The following SENP1 variants were observed in gnomAD, a reference collection of about 807,000 sequenced individuals.
SENP1 encodes the protein sentrin-specific protease 1.
In SENP1, 21 loss-of-function variants were observed where a neutral mutation model predicts 93.0. The observed-to-expected ratio is 0.23, with a 90% CI of 0.16 to 0.33. The LOEUF (loss-of-function observed/expected upper bound fraction) is 0.33. SENP1 is among the 10% of genes least tolerant of loss of function. The pLI, the probability that SENP1 is intolerant of heterozygous loss-of-function variation, is 1.00. For missense variants in SENP1, 591 were observed against 758.7 expected (o/e 0.78, Z 2.60); for synonymous variants, 256 against 259.6 (o/e 0.99, Z 0.13).
intron 6 of SENP1, chr12:48,081,424 T>A (rs1324427199): frequency 1.3e-5 from 2 of 151,958 alleles, no homozygotes; most frequent in South Asian, 2.1e-4. Context: ...TCAAAAAAAA[T>A]TTTTTTGTTA....
chr12:48,045,142 G>C lies in SENP1; in HGVS notation c.*180C>G, dbSNP rs138452879. Reference sequence around the variant, plus strand: ...GCACCAAAGTTTCTTTGCAAAAATAGTATCTGAGATACAAAAGGAAAGGCA... The same window carrying C: ...GCACCAAAGTTTCTTTGCAAAAATACTATCTGAGATACAAAAGGAAAGGCA... On this transcript the variant is annotated 3_prime_UTR_variant, in exon 18 of 18. Coordinates refer to ENST00000549518, the MANE Select transcript of SENP1 (RefSeq NM_001267594.2). 1.7e-3 allele frequency: 1,020 copies of C among 583,116 alleles called. 13 individuals carry two copies. In the East Asian group the frequency reaches 0.026, roughly 15 times the overall value. The allele number at this position is 583,116 out of a possible 1,614,324, so 36.1% of individuals were successfully genotyped here.
At chr12:48,071,385 G>A (rs932990541) in intron 9 of SENP1, among the ~76,000 whole-genome samples, 1 of 152,150 alleles carries the variant, frequency 6.6e-6, no homozygotes, top group Non-Finnish European at 1.5e-5. Flanking sequence ...GGAGGCCGAG[G>A]CAGGTGGATC....
chr12:48,071,224 A>G (rs866091222), intron 9 of SENP1, among the ~76,000 whole-genome samples: 1 of 152,238 alleles, frequency 6.6e-6, no homozygotes, highest in South Asian at 2.1e-4. Context: ...AAAATAATTC[A>G]AGTAATACGT....
intron 13 of SENP1, among the ~76,000 whole-genome samples, chr12:48,057,238 A>T (rs1942607292): frequency 6.9e-6 from 1 of 143,974 alleles, no homozygotes; most frequent in African/African-American, 2.5e-5. Context: ...CATTATATAT[A>T]TATTTTTTTG....
intron 13 of SENP1, among the ~76,000 whole-genome samples, chr12:48,057,098 AT>A (rs1942576580): frequency 1.1e-5 from 1 of 89,160 alleles, no homozygotes. Flanking sequence ...ACATATATAA[AT>A]ATATTATTTA....
At chr12:48,105,043 A>G (rs1185342965) in intron 1 of SENP1, 1 of 184,514 alleles carries the variant, frequency 5.4e-6, no homozygotes, top group Non-Finnish European at 1.2e-5. Flanking sequence ...AGTCCTTAAC[A>G]CAAATTATTT....
chr12:48,053,622 A>G (rs1487255327), intron 13 of SENP1, among the ~76,000 whole-genome samples: 2 of 152,206 alleles, frequency 1.3e-5, no homozygotes, highest in East Asian at 3.8e-4. Flanking sequence ...TCAAGTAAGA[A>G]TATGCTCTCT....
At chr12:48,072,020 G>A (rs1333584834) in intron 8 of SENP1, among the ~76,000 whole-genome samples, 2 of 152,182 alleles carry the variant, frequency 1.3e-5, no homozygotes, top group Admixed American at 1.3e-4. Flanking sequence ...TGTTTCAGGA[G>A]AACAAGAACA....
intron 12 of SENP1, 60 bp downstream of exon 12, chr12:48,065,005 C>T (rs906083683): frequency 9.5e-5 from 119 of 1,249,246 alleles, no homozygotes; most frequent in Non-Finnish European, 1.3e-4. Context: ...GAAACTCATC[C>T]GAGGGATTCT....
Position 48,048,947 on chromosome 12 carries a change from T to A in SENP1, c.1593A>T (p.Gly531=). The A allele has an allele frequency of 1.2e-6, 2 of 1,612,478 alleles. No individual in the cohort carries two copies. The change falls in exon 14 of 18, where the codon GGA becomes GGT. Residue 531 remains glycine, a synonymous_variant. Transcript: ENST00000549518. ...TACTCACAGCTAGACACCAGTGTAC[T>A]CCCAGGTGAATGGGCACCAAAAGAA... ...VDILLVPIHL[G]VHWCLAVVDF... is the part of the protein sequence containing the mutation.
chr12:48,071,674 T>G lies in SENP1; in HGVS notation c.988A>C (p.Thr330Pro). Reference sequence around the variant, plus strand: ...GCTTTTTCCAAAGTTTACCTGGGAGTTGGAGTCTGGGAATCTTTCACTTTC... The same window carrying G: ...GCTTTTTCCAAAGTTTACCTGGGAGGTGGAGTCTGGGAATCTTTCACTTTC... ...LLKVKDSQTP[T>P]PSSTFFQAEL... Residue 330 changes from threonine to proline, a missense_variant, in exon 9 of 18, where the codon ACT becomes CCT. Around this residue, in one of 4 missense-constraint regions of SENP1, gnomAD observed 238 missense variants for 259.1 expected, o/e 0.92. Transcript: ENST00000549518. The G allele has an allele frequency of 6.2e-7, 1 of 1,604,154 alleles. No homozygotes were observed. The highest frequency in any genetic ancestry group is 2.2e-5 in the East Asian group (1 of 44,800).
intron 1 of SENP1, among the ~76,000 whole-genome samples, chr12:48,102,616 T>C (rs1946027992): frequency 6.6e-6 from 1 of 151,866 alleles, no homozygotes; most frequent in Non-Finnish European, 1.5e-5. Flanking sequence ...TAAAAAATAT[T>C]AAGCACTTCA....
chr12:48,049,009 G>T lies in SENP1; in HGVS notation c.1531C>A (p.Arg511Ser). 1 of 1,613,724 alleles carries T rather than the reference G, an allele frequency of 6.2e-7. No individual in the cohort carries two copies. Among genetic ancestry groups the T allele is most frequent in the Non-Finnish European group, 8.5e-7 (1 of 1,179,748 alleles). ...LKTAGYQAVKRWTKKVDVFSV... is the reference protein window; with the variant it reads ...LKTAGYQAVKSWTKKVDVFSV... ...AATACATCTACTTTCTTTGTCCAAC[G>T]TTTCACTGCCTGATAACCAGCCGTT... Residue 511 changes from arginine to serine, a missense_variant, in exon 14 of 18, where the codon CGT (arginine) becomes AGT (serine). Physicochemically the swap from Arg to Ser is moderately radical, Grantham distance 110. Around this residue, in one of 4 missense-constraint regions of SENP1, gnomAD observed 132 missense variants for 230.1 expected, o/e 0.57. Transcript: ENST00000549518.
intron 9 of SENP1, among the ~76,000 whole-genome samples, chr12:48,069,495 C>T (rs978470833): frequency 2.0e-5 from 3 of 152,120 alleles, no homozygotes; most frequent in Non-Finnish European, 4.4e-5. Flanking sequence ...GGAAATCCTC[C>T]GTAAAGGAAA....
chr12:48,079,445 G>A (rs895985786), intron 6 of SENP1, among the ~76,000 whole-genome samples: 1 of 152,150 alleles, frequency 6.6e-6, no homozygotes, highest in Non-Finnish European at 1.5e-5. Flanking sequence ...GTTGCAGTGA[G>A]CCGAGATCGC....
At chr12:48,073,194 A>G (rs1425122113) in intron 8 of SENP1, among the ~76,000 whole-genome samples, 3 of 152,176 alleles carry the variant, frequency 2.0e-5, no homozygotes, top group Non-Finnish European at 2.9e-5. Flanking sequence ...AAACAGTGCA[A>G]TGTAGTATAT....
At chr12:48,086,166 GA>G (rs1246532075) in intron 5 of SENP1, among the ~76,000 whole-genome samples, 3 of 152,162 alleles carry the variant, frequency 2.0e-5, no homozygotes, top group Non-Finnish European at 4.4e-5. Context: ...TGAAACATAT[GA>G]AGTGTCTATT....
Position 48,044,369 on chromosome 12 carries a change from T to C in SENP1, c.*953A>G, listed in dbSNP as rs1452878941. ...AATTTTATACATACATATATATATA[T>C]ATATATGTATGTGTATATATATATG... On this transcript the variant is annotated 3_prime_UTR_variant, in exon 18 of 18. Coordinates refer to ENST00000549518, the MANE Select transcript of SENP1 (RefSeq NM_001267594.2). 1 of 149,010 alleles carries C rather than the reference T, an allele frequency of 6.7e-6. No individual in the cohort carries two copies. Among genetic ancestry groups the C allele is most frequent in the East Asian group, 1.9e-4 (1 of 5,150 alleles). The allele number at this position is 149,010 out of a possible 1,614,324, so 9.2% of individuals were successfully genotyped here. A position where few individuals can be genotyped will look rare whatever the true frequency, so the allele number is the denominator to read the frequency against.
Position 48,065,606 on chromosome 12 carries a change from A to G in SENP1, c.1109T>C (p.Leu370Pro). 6.4e-7 allele frequency: 1 copy of G among 1,552,984 alleles called. No individual in the cohort carries two copies. The highest frequency in any genetic ancestry group is 8.7e-7 in the Non-Finnish European group (1 of 1,146,134). The part of the protein sequence containing the change: ...IEEQKALALQ[L>P]QNQRLQEREH... ...AATTTTCTTTTTTACCTGGTTTTGA[A>G]GCTGTAAGGCCAATGCCTTCTGTTC... Residue 370 changes from leucine (L) to proline (P), a missense_variant, in exon 11 of 18, where the codon CTT becomes CCT. Physicochemically the swap from Leu to Pro is moderately conservative, Grantham distance 98. Transcript: ENST00000549518.
Sources: allele counts gnomAD v4.1 joint callset (sites outside exome capture counted in the v4.1 genomes callset), GRCh38; gene constraint gnomAD v4.1.1; regional missense constraint gnomAD v4.1.1; transcripts MANE v1.5; gene names NCBI Gene and HGNC (gene_info 2026-07-23, HGNC 2026-07-21).